Variants in ANK3 observed in about 807,000 individuals in gnomAD.
The protein encoded by ANK3 is ankyrin 3, also known as ankyrin-3.
Under a neutral mutation model 370.9 loss-of-function variants are expected in ANK3, and 57 were observed. That is an observed-to-expected ratio of 0.15 (90% CI 0.12 to 0.19). The LOEUF is 0.19. Among genes scored for constraint, ANK3 ranks in the 10% least tolerant of loss-of-function variants. The pLI, the probability that ANK3 is intolerant of heterozygous loss-of-function variation, is 1.00. For missense variants in ANK3, 4,439 were observed against 5,302.1 expected (o/e 0.84, Z 5.06); for synonymous variants, 1,929 against 1,946.3 (o/e 0.99, Z 0.23).
At chr10:60,527,980 A>C (rs1211595991) in intron 2 of ANK3, among the ~76,000 whole-genome samples, 1 of 152,162 alleles carries the variant, frequency 6.6e-6, no homozygotes, top group African/African-American at 2.4e-5. Flanking sequence ...GATGGCTGTC[A>C]CATCAACCTT....
intron 2 of ANK3, among the ~76,000 whole-genome samples, chr10:60,581,858 C>T (rs1595314657): frequency 2.0e-5 from 3 of 152,084 alleles, no homozygotes; most frequent in African/African-American, 7.2e-5. Flanking sequence ...ATAGCAAAGA[C>T]TTGGAACCAA....
chr10:60,482,169 T>C (rs535370314), intron 2 of ANK3, among the ~76,000 whole-genome samples: 53 of 152,156 alleles, frequency 3.5e-4, no homozygotes, highest in Non-Finnish European at 7.1e-4. Flanking sequence ...TCAGCCTTGC[T>C]CCCCTTGTTG....
Position 60,068,995 on chromosome 10 carries a change from G to T in ANK3, c.11886C>A (p.Thr3962=). 6.2e-7 allele frequency: 1 copy of T among 1,613,892 alleles called. No individual in the cohort carries two copies. Among genetic ancestry groups the T allele is most frequent in the Non-Finnish European group, 8.5e-7 (1 of 1,179,956 alleles). The change falls in exon 37 of 44, where the codon ACC becomes ACA. Residue 3962 remains threonine, a synonymous_variant. Coordinates refer to ENST00000280772, the MANE Select transcript of ANK3 (RefSeq NM_020987.5). ...TGGTGGTGGTGGTGGCAGTGGTGGT[G>T]GTGGTAGTGACACAGGTGGATCTTA... ...VKVRSTCVTT[T]TTTATTTTTT... is the part of the protein sequence containing the mutation.
intron 23 of ANK3, among the ~76,000 whole-genome samples, chr10:60,165,429 TAAAAGC>T (rs1353482880): frequency 6.6e-6 from 1 of 152,128 alleles, no homozygotes; most frequent in Non-Finnish European, 1.5e-5. Context: ...GAAAACTGAG[TAAAAGC>T]CTTTAGCATT....
intron 8 of ANK3, among the ~76,000 whole-genome samples, chr10:60,218,543 CTTA>C (rs1235306015): frequency 1.2e-4 from 19 of 152,226 alleles, no homozygotes; most frequent in Middle Eastern, 6.8e-3. Flanking sequence ...ACTTATGAAG[CTTA>C]GTTTTTAGCT....
intron 8 of ANK3, among the ~76,000 whole-genome samples, chr10:60,230,572 C>A (rs950928026): frequency 6.6e-6 from 1 of 152,060 alleles, no homozygotes; most frequent in African/African-American, 2.4e-5. Context: ...GAAAGACTTT[C>A]CTGAAATGAG....
chr10:60,176,491 G>A (rs531441257), intron 18 of ANK3, among the ~76,000 whole-genome samples: 1 of 152,230 alleles, frequency 6.6e-6, no homozygotes, highest in South Asian at 2.1e-4. Flanking sequence ...GCCAGGCACA[G>A]TAGCTCATGT....
At chr10:60,278,301 T>C (rs970335001) in intron 4 of ANK3, among the ~76,000 whole-genome samples, 8 of 152,204 alleles carry the variant, frequency 5.3e-5, no homozygotes, top group African/African-American at 1.7e-4. Context: ...CTTTTATAGA[T>C]AGGCCGCTTT....
intron 42 of ANK3, among the ~76,000 whole-genome samples, chr10:60,052,046 C>G (rs1589277211): frequency 1.3e-5 from 2 of 152,098 alleles, no homozygotes; most frequent in South Asian, 4.1e-4. Flanking sequence ...TTATTAAAAG[C>G]TATTTTGAAC....
In ANK3 at chr10:60,492,656, G is replaced by A. The variant is rs559934708; in HGVS notation, c.96+122530C>T. 6.3e-3 allele frequency among the ~76,000 whole-genome samples: 828 copies of A among 130,582 alleles called. 11 individuals carry two copies. The highest frequency in any genetic ancestry group is 0.023 in the African/African-American group (778 of 33,954). The allele number at this position is 130,582 out of a possible 152,430, so 85.7% of individuals were successfully genotyped here. ...CAGGAGGCAGAGGTTGCAGTGAGCC[G>A]AGATCATGCCACTGCGCTCCAGCCT... On this transcript the variant is annotated intron_variant, in intron 2 of 43. Transcript: ENST00000373827.
At chr10:60,530,878 C>T (rs2076590861) in intron 2 of ANK3, among the ~76,000 whole-genome samples, 1 of 152,156 alleles carries the variant, frequency 6.6e-6, no homozygotes, top group African/African-American at 2.4e-5. Context: ...AATCTGTGAA[C>T]ACCTCAAACC....
Position 60,069,784 on chromosome 10 carries a change from A to G in ANK3, c.11097T>C (p.Ser3699=). The stretch of plus-strand genomic sequence containing the variant: ...CTGCTGCTGATTTCTCCAGGGAGCC[A>G]CTACTGGATGTGCCTTCCTGACACT... ...SGECQEGTSS[S]GSLEKSAAAT... is the part of the protein sequence containing the mutation. Residue 3699 remains serine, a synonymous_variant, in exon 37 of 44, where the codon AGT becomes AGC. Transcript: ENST00000280772. 2 of 1,614,074 alleles carry G rather than the reference A, an allele frequency of 1.2e-6. No homozygotes were observed. Among genetic ancestry groups the G allele is most frequent in the African/African-American group, 2.7e-5 (2 of 75,034 alleles).
chr10:60,043,290 T>G, intron 42 of ANK3: 1 of 985,474 alleles, frequency 1.0e-6, no homozygotes, highest in Non-Finnish European at 1.2e-6. Flanking sequence ...AGAGCAAGGT[T>G]GTGGCACAAA....
intron 2 of ANK3, among the ~76,000 whole-genome samples, chr10:60,487,323 T>C (rs1284842288): frequency 9.2e-5 from 14 of 152,310 alleles, no homozygotes; most frequent in Admixed American, 7.2e-4. Flanking sequence ...GTAAGATATT[T>C]AGGAGTCCTC....
At chr10:60,533,439 G>T (rs965564696) in intron 2 of ANK3, among the ~76,000 whole-genome samples, 1 of 152,046 alleles carries the variant, frequency 6.6e-6, no homozygotes, top group African/African-American at 2.4e-5. Context: ...TCCCAGGCTA[G>T]GCACTCTTCT....
At chr10:60,630,066 T>C (rs1037532433) in intron 1 of ANK3, among the ~76,000 whole-genome samples, 1 of 152,172 alleles carries the variant, frequency 6.6e-6, no homozygotes, top group Non-Finnish European at 1.5e-5. Flanking sequence ...ATGTTGTATT[T>C]AAAGGACATT....
chr10:60,132,154 C>T (rs181013230), intron 25 of ANK3, among the ~76,000 whole-genome samples: 1 of 152,270 alleles, frequency 6.6e-6, no homozygotes, highest in Admixed American at 6.5e-5. Context: ...CAACCAATTC[C>T]TGGCAACACC....
intron 5 of ANK3, among the ~76,000 whole-genome samples, chr10:60,268,212 T>C (rs765627606): frequency 3.3e-5 from 5 of 152,214 alleles, no homozygotes; most frequent in Non-Finnish European, 7.3e-5. Context: ...GGTTATTTCC[T>C]AACTAGCTTT....
chr10:60,624,325 ACT>A (rs979549000), intron 1 of ANK3, among the ~76,000 whole-genome samples: 4 of 152,124 alleles, frequency 2.6e-5, no homozygotes, highest in African/African-American at 9.7e-5. Context: ...TTTTAAAAAA[ACT>A]CTGCACACCA....
Sources: gnomAD v4.1 joint callset for allele counts (sites outside exome capture counted in the v4.1 genomes callset) on GRCh38, gnomAD v4.1.1 for gene constraint, MANE v1.5 for transcripts, NCBI Gene and HGNC (gene_info 2026-07-23, HGNC 2026-07-21) for gene names.